The following CBX7 variants were observed in gnomAD, a reference collection of about 807,000 sequenced individuals.
CBX7 encodes chromobox protein homolog 7.
Under a neutral mutation model 31.4 loss-of-function variants are expected in CBX7, and 14 were observed. The observed-to-expected ratio is 0.45, with a 90% CI of 0.29 to 0.70. CBX7 has a LOEUF of 0.70. CBX7 is among the 30% of genes least tolerant of loss of function. The probability of loss-of-function intolerance (pLI) is 0.11; values close to 1 mark genes in which losing one functional copy is unlikely to be tolerated. For synonymous variants in CBX7, 159 were observed against 152.6 expected, an observed-to-expected ratio of 1.04 and a Z score of -0.31; for missense variants, 269 against 351.9, an observed-to-expected ratio of 0.76 and a Z score of 1.89.
intron 2 of CBX7, among the ~76,000 whole-genome samples, chr22:39,142,003 G>C (rs889772790): frequency 2.0e-5 from 3 of 152,136 alleles, no homozygotes. Flanking sequence ...AGAGACCCTC[G>C]GGTGCCAGGA....
intron 4 of CBX7, 152 bp downstream of exon 4, chr22:39,138,484 A>G: frequency 1.4e-6 from 1 of 738,438 alleles, no homozygotes; most frequent in South Asian, 1.6e-5. Context: ...TCCCATCAAA[A>G]CTTACCCAAG....
intron 4 of CBX7, among the ~76,000 whole-genome samples, chr22:39,137,214 T>C (rs1930285377): frequency 2.6e-5 from 4 of 152,208 alleles, no homozygotes; most frequent in African/African-American, 9.7e-5. Context: ...GCATTATATA[T>C]ACTAGCTGAG....
chr22:39,152,292 CT>C lies in CBX7; in HGVS notation c.69+83del. 1 of 931,858 alleles carries C rather than the reference CT, an allele frequency of 1.1e-6. No individual in the cohort carries two copies. The highest frequency in any genetic ancestry group is 1.4e-6 in the Non-Finnish European group (1 of 714,932). 57.7% of individuals were successfully genotyped at this position (931,858 alleles called of 1,614,324 possible). A position where few individuals can be genotyped will look rare whatever the true frequency, so the allele number is the denominator to read the frequency against. ...CGGGGCCCCCGCGCCCCGCTTTCCC[CT>C]TCAGCCCCAGCGTGGAGGGAGCGGT... On this transcript the variant is annotated intron_variant, in intron 1 of 5. Coordinates refer to ENST00000216133, the MANE Select transcript of CBX7 (RefSeq NM_175709.5). This position sits in a 1 kb window ranked among gnomAD's most constrained non-coding sequence, Gnocchi z 4.9.
At chr22:39,140,366 C>G (rs1458147798) in intron 3 of CBX7, among the ~76,000 whole-genome samples, 2 of 152,188 alleles carry the variant, frequency 1.3e-5, no homozygotes, top group African/African-American at 4.8e-5. Flanking sequence ...CCTGTTGGAC[C>G]AAGGCCCCAC....
At chr22:39,136,330 T>G (rs1387760574) in intron 4 of CBX7, 1 of 152,286 alleles carries the variant, frequency 6.6e-6, no homozygotes, top group African/African-American at 2.4e-5. Flanking sequence ...ACCCACCTCC[T>G]GGAATTCACA....
intron 1 of CBX7, among the ~76,000 whole-genome samples, chr22:39,151,085 C>T (rs1930833320): frequency 1.3e-5 from 2 of 152,182 alleles, no homozygotes; most frequent in South Asian, 4.1e-4. Flanking sequence ...GAGTGACTGG[C>T]CGAAGGAATG....
At chr22:39,150,985 T>G (rs1241496175) in intron 1 of CBX7, among the ~76,000 whole-genome samples, 1 of 152,182 alleles carries the variant, frequency 6.6e-6, no homozygotes, top group Non-Finnish European at 1.5e-5. Flanking sequence ...GTGTGCCGCC[T>G]CTGCAGAATG....
chr22:39,139,922 C>G (rs1485790586), intron 3 of CBX7, among the ~76,000 whole-genome samples: 1 of 151,622 alleles, frequency 6.6e-6, no homozygotes, highest in African/African-American at 2.4e-5. Context: ...AGGGTGAGAC[C>G]CTGTCTCAAA....
intron 4 of CBX7, among the ~76,000 whole-genome samples, chr22:39,137,158 C>A (rs1240347798): frequency 6.6e-6 from 1 of 152,128 alleles, no homozygotes; most frequent in Non-Finnish European, 1.5e-5. Context: ...TGCTTGGAAC[C>A]AGAAGTGTTT....
chr22:39,140,328 C>T (rs942114950), intron 3 of CBX7, among the ~76,000 whole-genome samples: 8 of 152,310 alleles, frequency 5.3e-5, no homozygotes, highest in African/African-American at 1.9e-4. Flanking sequence ...CTCCTTACCA[C>T]GCTCCATGGG....
intron 4 of CBX7, chr22:39,135,023 G>A (rs1930203004): frequency 2.3e-6 from 1 of 425,532 alleles, no homozygotes; most frequent in Non-Finnish European, 4.2e-6. Context: ...CAGCAGAGAA[G>A]CATACAAGAA....
chr22:39,150,591 G>A (rs535857040), intron 1 of CBX7, among the ~76,000 whole-genome samples: 30 of 152,226 alleles, frequency 2.0e-4, no homozygotes, highest in Non-Finnish European at 3.4e-4. Flanking sequence ...TGGGCAACAC[G>A]GTGAGACCCC....
At chr22:39,145,691 G>T in intron 2 of CBX7, among the ~76,000 whole-genome samples, 1 of 150,404 alleles carries the variant, frequency 6.6e-6, no homozygotes, top group Non-Finnish European at 1.5e-5. Context: ...ACGGGGAGGG[G>T]CGCGCGCCGG....
intron 3 of CBX7, among the ~76,000 whole-genome samples, chr22:39,139,976 T>G (rs893912738): frequency 6.6e-6 from 1 of 151,906 alleles, no homozygotes; most frequent in African/African-American, 2.4e-5. Flanking sequence ...AAGCTACACA[T>G]GACACATAAG....
chr22:39,142,109 C>A (rs777247130), intron 2 of CBX7, among the ~76,000 whole-genome samples: 5 of 152,192 alleles, frequency 3.3e-5, no homozygotes, highest in Admixed American at 6.5e-5. Context: ...TCAAGTCCAT[C>A]TCTGCCCCTA....
chr22:39,148,687 C>A (rs185576383), intron 2 of CBX7: 4 of 152,492 alleles, frequency 2.6e-5, no homozygotes, highest in African/African-American at 9.7e-5. Flanking sequence ...CAGCTCCCAA[C>A]CCCTGTCATC....
At position 39,152,543 on chromosome 22, in the gene CBX7, C is replaced by T. The variant is rs1238050731; in HGVS notation, c.-99G>A. 2 of 421,006 alleles carry T rather than the reference C, an allele frequency of 4.8e-6. No individual in the cohort carries two copies. The highest frequency in any genetic ancestry group is 6.3e-6 in the Non-Finnish European group (2 of 315,388). The allele number at this position is 421,006 out of a possible 1,614,324, so 26.1% of individuals were successfully genotyped here. A position where few individuals can be genotyped will look rare whatever the true frequency, so the allele number is the denominator to read the frequency against. ...GCGATGCTGGGGCTGGCGGGGTCCCCGTCACCCTCGTCCGGGCGCGCACGC... is the reference window on the plus strand; with the variant it reads ...GCGATGCTGGGGCTGGCGGGGTCCCTGTCACCCTCGTCCGGGCGCGCACGC... On this transcript the variant is annotated 5_prime_UTR_variant, in exon 1 of 6. Transcript: ENST00000216133. The surrounding 1 kb of genome is among the most constrained non-coding windows in gnomAD (Gnocchi z 4.9).
chr22:39,147,077 A>C (rs1930687020), intron 2 of CBX7: 1 of 148,264 alleles, frequency 6.7e-6, no homozygotes, highest in Non-Finnish European at 1.5e-5. Context: ...GCCTGGCACA[A>C]AGTGTCCACT....
At chr22:39,149,562 C>T (rs1035667089) in intron 2 of CBX7, 13 of 569,772 alleles carry the variant, frequency 2.3e-5, no homozygotes, top group African/African-American at 2.3e-4. Context: ...AGGAGCTCAA[C>T]ACTCAGGAGG....
Sources: allele counts gnomAD v4.1 joint callset (sites outside exome capture counted in the v4.1 genomes callset), GRCh38; gene constraint gnomAD v4.1.1; non-coding constraint Gnocchi (gnomAD v3.1); transcripts MANE v1.5; gene names NCBI Gene and HGNC (gene_info 2026-07-23, HGNC 2026-07-21).